Variants in DYSF observed in about 807,000 individuals in gnomAD.
DYSF encodes the protein dystrophy-associated fer-1-like 1.
A neutral mutation model predicts 274.9 loss-of-function variants in DYSF; 212 were observed. The observed-to-expected ratio is 0.77, with a 90% CI of 0.69 to 0.86. The LOEUF (loss-of-function observed/expected upper bound fraction) is 0.86. DYSF is among the 40% of genes least tolerant of loss of function. DYSF has a pLI of 0.00. For synonymous variants in DYSF, 1,091 were observed against 1,078.7 expected (o/e 1.01, Z -0.22); for missense variants, 2,666 against 2,783.2 (o/e 0.96, Z 0.95).
At position 71,682,495 on chromosome 2, in the gene DYSF, G is replaced by T. The variant is rs202056990; in HGVS notation, c.6174-35G>T. 1.4e-5 allele frequency: 22 copies of T among 1,614,074 alleles called. No homozygotes were observed. In the East Asian group the frequency reaches 4.7e-4, roughly 34 times the overall value. ...GTTTGGAGAAAGCAGCCCTAGTAAA[G>T]GATGCCCAGTTGACCTCCGGGATCT... On this transcript the variant is annotated intron_variant, in intron 54 of 55. Coordinates refer to ENST00000410020, the MANE Select transcript of DYSF (RefSeq NM_001130987.2).
At chr2:71,478,183 T>G (rs1272345410) in intron 1 of DYSF, among the ~76,000 whole-genome samples, 1 of 151,872 alleles carries the variant, frequency 6.6e-6, no homozygotes, top group Non-Finnish European at 1.5e-5. Context: ...GCAGGCCACC[T>G]AAATAAAAGC....
At chr2:71,598,499 G>A (rs2093460614) in intron 32 of DYSF, 65 bp from the exon 33 acceptor site, 1 of 1,591,614 alleles carries the variant, frequency 6.3e-7, no homozygotes, top group African/African-American at 1.3e-5. Flanking sequence ...ACATGGCTCT[G>A]GAGAAGACAT....
At chr2:71,572,502 C>T (rs148307812) in intron 29 of DYSF, among the ~76,000 whole-genome samples, 164 of 152,366 alleles carry the variant, frequency 1.1e-3, no homozygotes, top group African/African-American at 3.7e-3. Flanking sequence ...TTCCTGGAGG[C>T]AGAAGCTAAG....
intron 14 of DYSF, among the ~76,000 whole-genome samples, chr2:71,532,970 ATAT>A (rs1307367617): frequency 1.3e-5 from 2 of 152,044 alleles, no homozygotes; most frequent in East Asian, 3.9e-4. Flanking sequence ...AGTTTCTTTT[ATAT>A]TATTCTGGTT....
At chr2:71,655,581 G>A (rs1003685177) in intron 42 of DYSF, among the ~76,000 whole-genome samples, 1 of 152,206 alleles carries the variant, frequency 6.6e-6, no homozygotes, top group Non-Finnish European at 1.5e-5. Flanking sequence ...GAAGAGACAA[G>A]TAAATGAATT....
intron 42 of DYSF, among the ~76,000 whole-genome samples, chr2:71,646,090 T>C (rs1021137206): frequency 2.0e-5 from 3 of 152,216 alleles, no homozygotes; most frequent in East Asian, 1.9e-4. Context: ...CCTGGAGACC[T>C]GGCTGCTCAG....
At chr2:71,497,926 T>C (rs1034987720) in intron 3 of DYSF, among the ~76,000 whole-genome samples, 5 of 152,188 alleles carry the variant, frequency 3.3e-5, no homozygotes, top group South Asian at 2.1e-4. Flanking sequence ...AAGACCTTCT[T>C]CTGGAGCCTC....
intron 7 of DYSF, among the ~76,000 whole-genome samples, chr2:71,514,861 T>C (rs1406924631): frequency 1.3e-5 from 2 of 152,154 alleles, no homozygotes; most frequent in African/African-American, 4.8e-5. Flanking sequence ...GGAAATACCA[T>C]ATGTTTATTT....
chr2:71,666,241 C>T (rs2095004452), intron 47 of DYSF, among the ~76,000 whole-genome samples: 3 of 152,160 alleles, frequency 2.0e-5, no homozygotes, highest in Admixed American at 2.0e-4. Flanking sequence ...GTCATAAAGT[C>T]ATAGGAAACA....
intron 1 of DYSF, among the ~76,000 whole-genome samples, chr2:71,471,678 TA>T (rs1214761151): frequency 1.3e-5 from 2 of 151,926 alleles, no homozygotes; most frequent in African/African-American, 4.8e-5. Context: ...TGCTGAAAAA[TA>T]AACCAGGGGG....
chr2:71,507,333 C>T (rs898513203), intron 4 of DYSF, among the ~76,000 whole-genome samples: 1 of 152,224 alleles, frequency 6.6e-6, no homozygotes, highest in Non-Finnish European at 1.5e-5. Context: ...GCTTCACTCT[C>T]CTCAGCTCAA....
chr2:71,482,811 T>A (rs1214283662), intron 3 of DYSF, among the ~76,000 whole-genome samples: 1 of 152,130 alleles, frequency 6.6e-6, no homozygotes, highest in Non-Finnish European at 1.5e-5. Context: ...CTGCGTTAGA[T>A]GCCAGCAGGA....
chr2:71,648,364 C>T (rs1158987464), intron 42 of DYSF, among the ~76,000 whole-genome samples: 2 of 151,832 alleles, frequency 1.3e-5, no homozygotes, highest in South Asian at 2.1e-4. Flanking sequence ...GGCAGAAGGG[C>T]CACATGGAAA....
At chr2:71,641,771 A>T (rs1379407789) in intron 41 of DYSF, among the ~76,000 whole-genome samples, 8 of 152,104 alleles carry the variant, frequency 5.3e-5, no homozygotes, top group South Asian at 2.1e-4. Flanking sequence ...GAGGGCTTTA[A>T]GCATATGCCT....
chr2:71,457,126 A>G (rs2081100373), intron 1 of DYSF, among the ~76,000 whole-genome samples: 1 of 152,220 alleles, frequency 6.6e-6, no homozygotes, highest in Non-Finnish European at 1.5e-5. Context: ...AGTCCTATGA[A>G]AGAGATCTAT....
rs779320008 is a variant in DYSF, at chr2:71,686,543, C to T, written c.*51C>T. ...CCGTGGGGTCCCCTCCAGCATGGGA[C>T]TGGCCTGCCTCCTCCGCCCAGCTCG... On this transcript the variant is annotated 3_prime_UTR_variant, in exon 56 of 56. Transcript: ENST00000410020. 4 of 1,608,128 alleles carry T rather than the reference C, an allele frequency of 2.5e-6. No homozygotes were observed. The South Asian group carries it at 4.4e-5, about 18-fold the overall frequency.
At chr2:71,663,299 C>A (rs879837806) in intron 45 of DYSF, among the ~76,000 whole-genome samples, 1 of 152,182 alleles carries the variant, frequency 6.6e-6, no homozygotes, top group Non-Finnish European at 1.5e-5. Context: ...CCTCCCACTG[C>A]ACTTTCTGGG....
chr2:71,562,841 T>A (rs1345033134), intron 23 of DYSF, among the ~76,000 whole-genome samples: 2 of 152,192 alleles, frequency 1.3e-5, no homozygotes, highest in African/African-American at 4.8e-5. Context: ...GACCAACTCC[T>A]CACAGTGGCA....
intron 55 of DYSF, among the ~76,000 whole-genome samples, chr2:71,685,624 G>A (rs1421415427): frequency 2.0e-5 from 3 of 152,208 alleles, no homozygotes; most frequent in Non-Finnish European, 4.4e-5. Context: ...TACCCTCTTG[G>A]AAATTCCCTT....
Sources: allele counts gnomAD v4.1 joint callset (sites outside exome capture counted in the v4.1 genomes callset), GRCh38; gene constraint gnomAD v4.1.1; transcripts MANE v1.5; gene names NCBI Gene and HGNC (gene_info 2026-07-23, HGNC 2026-07-21).